Variants in RUNX2 observed in about 807,000 individuals in gnomAD.
The protein encoded by RUNX2 is RUNX family transcription factor 2.
RUNX2 carries 10 observed loss-of-function variants against 51.7 expected under a neutral mutation model. That is an observed-to-expected ratio of 0.19 (90% CI 0.12 to 0.33). The LOEUF (loss-of-function observed/expected upper bound fraction) is 0.33. RUNX2 is among the 10% of genes least tolerant of loss of function. RUNX2 has a pLI of 1.00. For missense variants in RUNX2, 562 were observed against 691.3 expected (o/e 0.81, Z 2.10); for synonymous variants, 276 against 273.6 (o/e 1.01, Z -0.09).
chr6:45,519,774 T>TTATATATATATATA (rs1179504865), intron 7 of RUNX2, among the ~76,000 whole-genome samples: 11 of 135,916 alleles, frequency 8.1e-5, no homozygotes, highest in African/African-American at 3.0e-4. Flanking sequence ...AAGGATGCTA[T>TTATATATATATATA]TATATATATA....
chr6:45,421,865 G>T (rs1302682708), intron 2 of RUNX2: 2 of 152,208 alleles, frequency 1.3e-5, no homozygotes, highest in Non-Finnish European at 1.5e-5. Context: ...CTTGAAGCGC[G>T]AGAGACAGGG....
In RUNX2 at chr6:45,548,672, ACT is replaced by A. The variant is rs1802475717; in HGVS notation, c.*1370_*1371del. 3 of 154,052 alleles carry A rather than the reference ACT, an allele frequency of 1.9e-5. No individual in the cohort carries two copies. The highest frequency in any genetic ancestry group is 7.2e-5 in the African/African-American group (3 of 41,518). 9.5% of individuals were successfully genotyped at this position (154,052 alleles called of 1,614,324 possible). On this transcript the variant is annotated 3_prime_UTR_variant, in exon 9 of 9. Transcript: ENST00000647337. ...TTCTGTGGTTTCATAGTTAAGCAAA[ACT>A]CTAAATCGCCAGGCTTCATAGCAAA...
intron 2 of RUNX2, among the ~76,000 whole-genome samples, chr6:45,380,184 G>A (rs1456742113): frequency 6.6e-6 from 1 of 152,162 alleles, no homozygotes; most frequent in African/African-American, 2.4e-5. Context: ...AATGGTACTA[G>A]GGTATCTTAA....
intron 2 of RUNX2, among the ~76,000 whole-genome samples, chr6:45,416,836 T>C (rs1289165187): frequency 2.6e-5 from 4 of 152,164 alleles, no homozygotes; most frequent in Admixed American, 2.6e-4. Flanking sequence ...TTCTGAAAGG[T>C]CATATGGCAA....
At chr6:45,448,302 C>A (rs902168156) in intron 5 of RUNX2, among the ~76,000 whole-genome samples, 7 of 152,190 alleles carry the variant, frequency 4.6e-5, no homozygotes, top group Non-Finnish European at 8.8e-5. Flanking sequence ...CTGCAGAGGT[C>A]ATGTGGCTGT....
chr6:45,398,310 TCAG>T (rs1346632067), intron 2 of RUNX2, among the ~76,000 whole-genome samples: 1 of 152,160 alleles, frequency 6.6e-6, no homozygotes, highest in Non-Finnish European at 1.5e-5. Flanking sequence ...CAATAAGTGC[TCAG>T]TAAGCATGAG....
rs188598788 is a variant in RUNX2, at chr6:45,548,438, A to T, written c.*1133A>T. 33 of 152,752 alleles carry T rather than the reference A, an allele frequency of 2.2e-4. No individual in the cohort carries two copies. The East Asian group carries it at 4.1e-3, about 19-fold the overall frequency. The allele number at this position is 152,752 out of a possible 1,614,324, so 9.5% of individuals were successfully genotyped here. A position where few individuals can be genotyped will look rare whatever the true frequency, so the allele number is the denominator to read the frequency against. ...ATTGTTTTTGTGATGTATGAAGGAA[A>T]TGTTATGTTTAGTTCTTTCAGATCT... On this transcript the variant is annotated 3_prime_UTR_variant, in exon 9 of 9. Coordinates refer to ENST00000647337, the MANE Select transcript of RUNX2 (RefSeq NM_001024630.4).
chr6:45,419,792 G>T (rs1308851782), intron 2 of RUNX2, among the ~76,000 whole-genome samples: 2 of 152,172 alleles, frequency 1.3e-5, no homozygotes, highest in Non-Finnish European at 2.9e-5. Context: ...GCACCCTGGC[G>T]GCGCCCGGGC....
At chr6:45,378,877 C>G (rs1676285570) in intron 2 of RUNX2, among the ~76,000 whole-genome samples, 1 of 152,112 alleles carries the variant, frequency 6.6e-6, no homozygotes, top group South Asian at 2.1e-4. Flanking sequence ...TTCTTATTGC[C>G]TGCTTAGAGA....
chr6:45,536,257 C>T (rs1802031109), intron 7 of RUNX2, among the ~76,000 whole-genome samples: 1 of 152,048 alleles, frequency 6.6e-6, no homozygotes, highest in Non-Finnish European at 1.5e-5. Context: ...TCCAGTGGGG[C>T]ACAGGTAAGT....
At chr6:45,388,518 A>G (rs1215920872) in intron 2 of RUNX2, among the ~76,000 whole-genome samples, 2 of 152,226 alleles carry the variant, frequency 1.3e-5, no homozygotes, top group Non-Finnish European at 2.9e-5. Context: ...GGAGTTCAGC[A>G]ATCTAACTTA....
chr6:45,401,424 G>C (rs561664069), intron 2 of RUNX2, among the ~76,000 whole-genome samples: 2 of 152,316 alleles, frequency 1.3e-5, no homozygotes, highest in African/African-American at 4.8e-5. Context: ...ATATTGTACA[G>C]TAGAATTAAG....
At chr6:45,425,355 C>A (rs1262894868) in intron 3 of RUNX2, among the ~76,000 whole-genome samples, 3 of 152,136 alleles carry the variant, frequency 2.0e-5, no homozygotes, top group African/African-American at 7.2e-5. Context: ...TTTTTCACTA[C>A]CACCCTTTAA....
At chr6:45,374,971 C>T (rs144640532) in intron 2 of RUNX2, among the ~76,000 whole-genome samples, 2 of 152,298 alleles carry the variant, frequency 1.3e-5, no homozygotes, top group Admixed American at 6.5e-5. Context: ...CTTTGGGAGG[C>T]TGAGGCGGGT....
intron 5 of RUNX2, among the ~76,000 whole-genome samples, chr6:45,485,669 ATGTATG>A (rs1367704859): frequency 1.4e-4 from 17 of 119,294 alleles, no homozygotes; most frequent in African/African-American, 5.1e-4. Context: ...GTGCATGGAT[ATGTATG>A]TGTGTGTGTG....
At chr6:45,400,032 GGGAAGGAAAGAAGGAAAGGAGGGAGGGAA>G (rs373350260) in intron 2 of RUNX2, among the ~76,000 whole-genome samples, 9,394 of 126,414 alleles carry the variant, frequency 0.074, 431 homozygotes, top group South Asian at 0.18. Flanking sequence ...GAGGGAGGGA[GGGAAGGAAAGAAGGAAAGGAGGGAGGGAA>G]GGAAGGAAAG....
chr6:45,401,578 C>T (rs1342335466), intron 2 of RUNX2, among the ~76,000 whole-genome samples: 2 of 152,162 alleles, frequency 1.3e-5, no homozygotes, highest in Non-Finnish European at 2.9e-5. Context: ...CAATGCGTAC[C>T]TCACAGGGCT....
intron 7 of RUNX2, among the ~76,000 whole-genome samples, chr6:45,527,149 C>G (rs1367902964): frequency 6.6e-6 from 1 of 152,076 alleles, no homozygotes; most frequent in Non-Finnish European, 1.5e-5. Flanking sequence ...AAATCGAGTG[C>G]AAGGGCCCAG....
In RUNX2 at chr6:45,501,814, C is replaced by T. The variant is rs542313182; in HGVS notation, c.859+9700C>T. ...GTGTGAGAAGTTCTTTGCACACTGG[C>T]TATTGAAAGTGTTTTTAGTGGGCTG... is the stretch of plus-strand genomic sequence containing the variant. On this transcript the variant is annotated intron_variant, in intron 6 of 8. Coordinates refer to ENST00000647337, the MANE Select transcript of RUNX2 (RefSeq NM_001024630.4). 6.6e-5 allele frequency among the ~76,000 whole-genome samples: 10 copies of T among 152,260 alleles called. No homozygotes were observed. In the East Asian group the frequency reaches 1.5e-3, roughly 24 times the overall value.
Sources: allele counts gnomAD v4.1 joint callset (sites outside exome capture counted in the v4.1 genomes callset), GRCh38; gene constraint gnomAD v4.1.1; transcripts MANE v1.5; gene names NCBI Gene and HGNC (gene_info 2026-07-23, HGNC 2026-07-21).